Variants in ADAMTS17 observed in about 807,000 individuals in gnomAD.
The protein encoded by ADAMTS17 is ADAM metallopeptidase with thrombospondin type 1 motif 17, also known as A disintegrin and metalloproteinase with thrombospondin motifs 17.
In ADAMTS17, 113 loss-of-function variants were observed where a neutral mutation model predicts 141.5. The ratio of observed to expected loss-of-function variants is 0.80; its 90% confidence interval spans 0.69 to 0.93. The LOEUF (loss-of-function observed/expected upper bound fraction) is 0.93, where lower values mean the gene tolerates loss of function less well. ADAMTS17 is among the 40% of genes least tolerant of loss of function. The probability of loss-of-function intolerance (pLI) is 0.00; values close to 1 mark genes in which losing one functional copy is unlikely to be tolerated. For synonymous variants in ADAMTS17, 768 were observed against 630.6 expected (o/e 1.22, Z -3.27); for missense variants, 1,659 against 1,517.9 (o/e 1.09, Z -1.54).
At chr15:100,325,867 C>A (rs193012798) in intron 3 of ADAMTS17, among the ~76,000 whole-genome samples, 30 of 152,338 alleles carry the variant, frequency 2.0e-4, no homozygotes, top group African/African-American at 5.8e-4. Flanking sequence ...CAATAGCCAT[C>A]TGCAAGCCAA....
At chr15:100,226,994 C>T (rs547774582) in intron 7 of ADAMTS17, among the ~76,000 whole-genome samples, 1 of 152,256 alleles carries the variant, frequency 6.6e-6, no homozygotes, top group African/African-American at 2.4e-5. Flanking sequence ...TCAAAAGAGA[C>T]TAAAATAAAG....
intron 8 of ADAMTS17, among the ~76,000 whole-genome samples, chr15:100,162,815 A>T (rs2039776626): frequency 6.9e-6 from 1 of 145,076 alleles, no homozygotes. Flanking sequence ...ATGCACACAT[A>T]CACATTATAT....
intron 4 of ADAMTS17, among the ~76,000 whole-genome samples, chr15:100,262,879 G>A (rs963651380): frequency 2.0e-5 from 3 of 151,248 alleles, no homozygotes; most frequent in East Asian, 1.9e-4. Context: ...AAATACATAC[G>A]TGAGAAACAT....
intron 7 of ADAMTS17, among the ~76,000 whole-genome samples, chr15:100,237,141 T>A (rs1434716387): frequency 1.3e-5 from 2 of 152,158 alleles, no homozygotes; most frequent in Non-Finnish European, 2.9e-5. Context: ...GCCAGGTTCC[T>A]CCCAGCTCCA....
chr15:100,060,134 T>G (rs2033002239), intron 15 of ADAMTS17, among the ~76,000 whole-genome samples: 1 of 152,234 alleles, frequency 6.6e-6, no homozygotes, highest in South Asian at 2.1e-4. Flanking sequence ...ATTTTATCTG[T>G]GAATTCTGAA....
rs559883745 is a variant in ADAMTS17 at position 100,054,554 on chromosome 15, C to T, written c.2138-500G>A. On this transcript the variant is annotated intron_variant, in intron 15 of 21. Transcript: ENST00000268070. ...GAAGGAGAAGAGCCCATCTCCAGCA[C>T]CTCTTAAGGATCTGATATCCCCCCA... is the stretch of plus-strand genomic sequence containing the variant. Among the ~76,000 whole-genome samples the T allele has an allele frequency of 2.6e-5, 4 of 152,300 alleles. No individual in the cohort carries two copies. The South Asian group carries it at 8.3e-4, about 32-fold the overall frequency.
chr15:100,056,690 G>T (rs1013823196), intron 15 of ADAMTS17, among the ~76,000 whole-genome samples: 11 of 152,098 alleles, frequency 7.2e-5, no homozygotes, highest in African/African-American at 2.7e-4. Flanking sequence ...ATGGACTACT[G>T]CTGGTCCGCA....
At chr15:100,322,918 T>G (rs2045774356) in intron 3 of ADAMTS17, among the ~76,000 whole-genome samples, 1 of 151,148 alleles carries the variant, frequency 6.6e-6, no homozygotes, top group African/African-American at 2.4e-5. Context: ...AAAGCCCATC[T>G]CTACTAAAAA....
At chr15:100,303,480 T>C (rs1423824869) in intron 3 of ADAMTS17, among the ~76,000 whole-genome samples, 1 of 151,906 alleles carries the variant, frequency 6.6e-6, no homozygotes, top group Non-Finnish European at 1.5e-5. Flanking sequence ...CCAATTTATC[T>C]ATATTTTCTT....
intron 9 of ADAMTS17, among the ~76,000 whole-genome samples, chr15:100,154,907 G>A (rs1021593111): frequency 1.3e-5 from 2 of 152,202 alleles, no homozygotes; most frequent in African/African-American, 2.4e-5. Flanking sequence ...AATGAAATGG[G>A]TTTCTTTTCA....
chr15:100,205,617 C>T (rs920211088), intron 7 of ADAMTS17, among the ~76,000 whole-genome samples: 1 of 152,116 alleles, frequency 6.6e-6, no homozygotes, highest in African/African-American at 2.4e-5. Context: ...GGCCCTGATG[C>T]CCACCAGAAA....
chr15:100,175,709 T>C (rs1462141614), intron 8 of ADAMTS17, among the ~76,000 whole-genome samples: 1 of 151,958 alleles, frequency 6.6e-6, no homozygotes, highest in Non-Finnish European at 1.5e-5. Flanking sequence ...CTTCCTCAAA[T>C]CTCACCCTTC....
chr15:100,116,921 C>T lies in ADAMTS17; in HGVS notation c.1814G>A (p.Arg605Gln), dbSNP rs1170305501. 5.0e-6 allele frequency: 8 copies of T among 1,614,014 alleles called. No homozygotes were observed. Among genetic ancestry groups the T allele is most frequent in the African/African-American group, 1.3e-5 (1 of 74,916 alleles). The change falls in exon 13 of 22, where the codon CGG (arginine) becomes CAG (glutamine). Residue 605 changes from arginine (R) to glutamine (Q), a missense_variant. Arg to Gln is a conservative substitution (Grantham distance 43). Coordinates refer to ENST00000268070, the MANE Select transcript of ADAMTS17 (RefSeq NM_139057.4). ...LPCPKGLPSFRDQQCQAHDRL... is the reference protein window; with the variant it reads ...LPCPKGLPSFQDQQCQAHDRL... ...GTCGTGTGCCTGGCACTGCTGGTCC[C>T]GGAAGCTGGGCAGACCCTTGGGGCA...
chr15:100,308,643 A>C (rs924311944), intron 3 of ADAMTS17, among the ~76,000 whole-genome samples: 6 of 152,178 alleles, frequency 3.9e-5, no homozygotes, highest in Admixed American at 3.9e-4. Flanking sequence ...TGTTGGATTC[A>C]TGAAAAAAGA....
intron 7 of ADAMTS17, among the ~76,000 whole-genome samples, chr15:100,226,642 G>A (rs969549575): frequency 2.0e-5 from 3 of 152,206 alleles, no homozygotes; most frequent in Admixed American, 6.5e-5. Flanking sequence ...GGAAAGGAGA[G>A]TGCAGGGGCT....
At chr15:100,293,440 A>T (rs2142138276) in intron 3 of ADAMTS17, among the ~76,000 whole-genome samples, 1 of 152,298 alleles carries the variant, frequency 6.6e-6, no homozygotes, top group East Asian at 1.9e-4. Context: ...GTGGATGGAG[A>T]TAATGCTTTT....
At chr15:100,138,382 T>C (rs1206763518) in intron 10 of ADAMTS17, among the ~76,000 whole-genome samples, 1 of 152,352 alleles carries the variant, frequency 6.6e-6, no homozygotes, top group Non-Finnish European at 1.5e-5. Context: ...ACAGAATTTA[T>C]AGTAACTATC....
Position 100,108,849 on chromosome 15 carries a change from A to T in ADAMTS17, c.2016+140T>A, listed in dbSNP as rs575237859. On this transcript the variant is annotated intron_variant, in intron 14 of 21. Transcript: ENST00000268070. ...TGCACCAGGCAACACTGGCGGCAGGAGGCGGCATCACTGGGTGCCTTCCTA... is the reference window on the plus strand; with the variant it reads ...TGCACCAGGCAACACTGGCGGCAGGTGGCGGCATCACTGGGTGCCTTCCTA... The T allele has an allele frequency of 2.8e-4, 398 of 1,418,726 alleles. 2 individuals are homozygous for T. In the South Asian group the frequency reaches 4.4e-3, roughly 16 times the overall value. The allele number at this position is 1,418,726 out of a possible 1,614,324, so 87.9% of individuals were successfully genotyped here. A position where few individuals can be genotyped will look rare whatever the true frequency, so the allele number is the denominator to read the frequency against.
At chr15:100,155,066 C>T in intron 9 of ADAMTS17, 114 bp downstream of exon 9, 1 of 1,530,512 alleles carries the variant, frequency 6.5e-7, no homozygotes. Flanking sequence ...AGGCTAGATG[C>T]AAATCCCAAA....
Sources: allele counts gnomAD v4.1 joint callset (sites outside exome capture counted in the v4.1 genomes callset), GRCh38; gene constraint gnomAD v4.1.1; transcripts MANE v1.5; gene names NCBI Gene and HGNC (gene_info 2026-07-23, HGNC 2026-07-21).